The following CEP120 variants were observed in gnomAD, a reference collection of about 807,000 sequenced individuals.
CEP120 encodes centrosomal protein 120.
CEP120 carries 113 observed loss-of-function variants against 126.5 expected under a neutral mutation model. The observed-to-expected ratio is 0.89, with a 90% CI of 0.77 to 1.04. The LOEUF is 1.04. Among genes scored for constraint, CEP120 ranks in the 50% least tolerant of loss-of-function variants. CEP120 has a pLI of 0.00. For missense variants in CEP120, 1,230 were observed against 1,155.7 expected (o/e 1.06, Z -0.93); for synonymous variants, 400 against 394.3 (o/e 1.01, Z -0.17).
chr5:123,422,067 C>T (rs1156757195), intron 1 of CEP120, among the ~76,000 whole-genome samples: 5 of 152,228 alleles, frequency 3.3e-5, no homozygotes, highest in South Asian at 2.1e-4. Context: ...ATGCCCTCCA[C>T]TTTCTTGCAA....
chr5:123,384,383 G>C (rs1019307577), intron 11 of CEP120, among the ~76,000 whole-genome samples: 3 of 151,628 alleles, frequency 2.0e-5, no homozygotes, highest in African/African-American at 7.3e-5. Flanking sequence ...AATTTTGAAA[G>C]GATAATTCAA....
Position 123,416,098 on chromosome 5 carries a change from T to C in CEP120, c.233A>G (p.Gln78Arg), listed in dbSNP as rs768922959. ...AGTTACAGGATCCAAGGCAAAACAT[T>C]GGAGTTTGATAGGAGTACGCTGTAG... ...HRLQRTPIKL[Q>R]CFALDPVTSA... The change falls in exon 3 of 20, where the codon CAA (glutamine) becomes CGA (arginine). Residue 78 changes from glutamine to arginine, a missense_variant. By Grantham distance (43) the Gln-to-Arg change is conservative. Transcript: ENST00000306467. 6 of 1,613,292 alleles carry C rather than the reference T, an allele frequency of 3.7e-6. No homozygotes were observed.
chr5:123,355,025 A>T (rs1407890674), intron 18 of CEP120, among the ~76,000 whole-genome samples: 4 of 151,148 alleles, frequency 2.6e-5, no homozygotes, highest in Admixed American at 6.6e-5. Context: ...TATGAGTGAG[A>T]ACATGCGGTG....
rs765891638 is a variant in CEP120 at position 123,422,599 on chromosome 5, C to T, written c.49+351G>A. Reference sequence around the variant, plus strand: ...GCCTGTATTCAAGTCAAAGCTCTTACAAGTGCTATTATTGGGAACCGCTGA... The same window carrying T: ...GCCTGTATTCAAGTCAAAGCTCTTATAAGTGCTATTATTGGGAACCGCTGA... On this transcript the variant is annotated intron_variant, in intron 1 of 19. Transcript: ENST00000306467. 5 of 1,474,412 alleles carry T rather than the reference C, an allele frequency of 3.4e-6. No individual in the cohort carries two copies. In the South Asian group the frequency reaches 3.6e-5, roughly 11 times the overall value. 91.3% of individuals were successfully genotyped at this position (1,474,412 alleles called of 1,614,324 possible).
At position 123,418,346 on chromosome 5, in the gene CEP120, A is replaced by G; in HGVS notation, c.206+13T>C. The G allele has an allele frequency of 6.5e-7, 1 of 1,539,216 alleles. No homozygotes were observed. The highest frequency in any genetic ancestry group is 8.8e-7 in the Non-Finnish European group (1 of 1,138,578). On this transcript the variant is annotated intron_variant, in intron 2 of 19. Transcript: ENST00000306467. ...GAAACCAATAAAGAAGCTAAAATGA[A>G]AATGATAATCACCTGTGCTGATGAA...
intron 4 of CEP120, among the ~76,000 whole-genome samples, chr5:123,408,996 C>T (rs1181230574): frequency 6.6e-6 from 1 of 152,054 alleles, no homozygotes; most frequent in Non-Finnish European, 1.5e-5. Flanking sequence ...CACTTGAGCC[C>T]AGGAGTTCGA....
chr5:123,346,826 T>C (rs1768858040), intron 19 of CEP120, 73 bp from the exon 20 acceptor site: 1 of 1,086,434 alleles, frequency 9.2e-7, no homozygotes, highest in Non-Finnish European at 1.3e-6. Context: ...AAAAACAAAA[T>C]GATTCAATGG....
chr5:123,386,675 T>TAA lies in CEP120; in HGVS notation c.1431-9_1431-8insTT, dbSNP rs1562047830. 6.0e-4 allele frequency: 410 copies of TAA among 688,566 alleles called. 20 individuals carry two copies. The highest frequency in any genetic ancestry group is 2.2e-3 in the African/African-American group (61 of 27,928). The allele number at this position is 688,566 out of a possible 1,614,324, so 42.7% of individuals were successfully genotyped here. A position where few individuals can be genotyped will look rare whatever the true frequency, so the allele number is the denominator to read the frequency against. ...AAGAATGGATATGAGTACCTAGAATTTAAAAAAAAAAAAAAAAAAAAAAGC... is the reference window on the plus strand; with the variant it reads ...AAGAATGGATATGAGTACCTAGAATTAATAAAAAAAAAAAAAAAAAAAAAAGC... On this transcript the variant is annotated splice_polypyrimidine_tract_variant and intron_variant, in intron 9 of 19. Coordinates refer to ENST00000306467, the MANE Select transcript of CEP120 (RefSeq NM_001375405.1).
At position 123,420,789 on chromosome 5, in the gene CEP120, G is replaced by A. The variant is rs113789515; in HGVS notation, c.49+2161C>T. ...GGCCCCTTACCAAGGCACTCACAATGTAAACTCATTCATTCAAAAACTCGT... is the reference window on the plus strand; with the variant it reads ...GGCCCCTTACCAAGGCACTCACAATATAAACTCATTCATTCAAAAACTCGT... On this transcript the variant is annotated intron_variant, in intron 1 of 19. Transcript: ENST00000306467. Among the ~76,000 whole-genome samples the A allele has an allele frequency of 3.3e-3, 501 of 152,308 alleles. 3 individuals carry two copies. Among genetic ancestry groups the A allele is most frequent in the African/African-American group, 0.011 (475 of 41,568 alleles).
At chr5:123,380,090 G>GT (rs1771532081) in intron 14 of CEP120, among the ~76,000 whole-genome samples, 1 of 152,058 alleles carries the variant, frequency 6.6e-6, no homozygotes, top group African/African-American at 2.4e-5. Flanking sequence ...GTTATACATC[G>GT]TTTTTTAAGA....
intron 3 of CEP120, among the ~76,000 whole-genome samples, chr5:123,413,754 C>T (rs1774215192): frequency 6.6e-6 from 1 of 152,060 alleles, no homozygotes; most frequent in Admixed American, 6.5e-5. Flanking sequence ...AAATAAAAAT[C>T]AACAACCTAA....
chr5:123,402,992 C>G lies in CEP120; in HGVS notation c.464-3708G>C, dbSNP rs528383879. ...CCTCACCAGATGCCAGTGCCTTGATCTTGAACTTCCCAGCCTCCAGCACTG... is the reference window on the plus strand; with the variant it reads ...CCTCACCAGATGCCAGTGCCTTGATGTTGAACTTCCCAGCCTCCAGCACTG... On this transcript the variant is annotated intron_variant, in intron 4 of 19. Transcript: ENST00000306467. Among the ~76,000 whole-genome samples the G allele has an allele frequency of 5.9e-5, 9 of 152,356 alleles. No homozygotes were observed. In the South Asian group the frequency reaches 1.9e-3, roughly 32 times the overall value.
chr5:123,398,919 TGA>T (rs1327649766), intron 5 of CEP120, among the ~76,000 whole-genome samples: 1 of 152,158 alleles, frequency 6.6e-6, no homozygotes, highest in Non-Finnish European at 1.5e-5. Flanking sequence ...TCCTAAATCC[TGA>T]GAGATTTATT....
intron 19 of CEP120, among the ~76,000 whole-genome samples, chr5:123,348,870 G>C (rs4836533): frequency 0.69 from 104,275 of 152,010 alleles, 35,905 homozygotes; most frequent in Middle Eastern, 0.73. Flanking sequence ...GAGAAGGTGG[G>C]TCTCTAAAAC....
At chr5:123,418,108 A>T (rs534094077) in intron 2 of CEP120, among the ~76,000 whole-genome samples, 1 of 152,338 alleles carries the variant, frequency 6.6e-6, no homozygotes, top group South Asian at 2.1e-4. Context: ...CAAGCATTTA[A>T]CATACTTCAT....
At chr5:123,415,983 A>C in intron 3 of CEP120, 27 bp downstream of exon 3, 2 of 1,420,146 alleles carry the variant, frequency 1.4e-6, no homozygotes, top group South Asian at 2.3e-5. Flanking sequence ...TAACATAATC[A>C]TTAGCAAAAC....
intron 8 of CEP120, 37 bp downstream of exon 8, chr5:123,389,887 C>A (rs760913340): frequency 1.9e-6 from 3 of 1,545,762 alleles, no homozygotes; most frequent in Non-Finnish European, 2.7e-6. Context: ...AAATGCAATA[C>A]CTCAAAGATC....
chr5:123,400,752 G>A (rs1773152312), intron 4 of CEP120, among the ~76,000 whole-genome samples: 1 of 150,644 alleles, frequency 6.6e-6, no homozygotes, highest in Non-Finnish European at 1.5e-5. Context: ...TGGAGGCATG[G>A]GCAAAGGGGG....
chr5:123,382,646 A>G, intron 13 of CEP120, 91 bp downstream of exon 13: 2 of 1,210,300 alleles, frequency 1.7e-6, no homozygotes, highest in Non-Finnish European at 1.1e-6. Flanking sequence ...TAAGGTACCT[A>G]CAGAACATAG....
Sources: allele counts gnomAD v4.1 joint callset (sites outside exome capture counted in the v4.1 genomes callset), GRCh38; gene constraint gnomAD v4.1.1; transcripts MANE v1.5; gene names NCBI Gene and HGNC (gene_info 2026-07-23, HGNC 2026-07-21).